Variants in PCDHGB6 observed in about 807,000 individuals in gnomAD.
PCDHGB6 encodes protocadherin gamma subfamily B, 6.
Under a neutral mutation model 59.1 loss-of-function variants are expected in PCDHGB6, and 51 were observed. The observed-to-expected ratio is 0.86, with a 90% confidence interval of 0.69 to 1.09. The LOEUF (loss-of-function observed/expected upper bound fraction) is 1.09. Ranked by LOEUF, PCDHGB6 falls within the 50% of genes least tolerant of loss-of-function variation. The pLI is 0.00. For synonymous variants in PCDHGB6, 466 were observed against 495.1 expected, an observed-to-expected ratio of 0.94 and a Z score of 0.78; for missense variants, 1,148 against 1,205.1, an observed-to-expected ratio of 0.95 and a Z score of 0.70.
intron 1 of PCDHGB6, chr5:141,427,761 G>A (rs1228905550): frequency 3.7e-6 from 5 of 1,366,246 alleles, no homozygotes; most frequent in Non-Finnish European, 4.1e-6. Flanking sequence ...CGTTACCACT[G>A]ACTTGGAGCT....
chr5:141,477,175 A>T lies in PCDHGB6; in HGVS notation c.2419-17632A>T, dbSNP rs1338347224. On this transcript the variant is annotated intron_variant, in intron 1 of 3. Transcript: ENST00000520790. This position sits in a 1 kb window ranked among gnomAD's most constrained non-coding sequence, Gnocchi z 4.9. ...TGAATGACAACGCCCCGGAGATCAC[A>T]GTCACCTCCGTGTACAGCCCAGTAC... is the stretch of plus-strand genomic sequence containing the variant. The T allele has an allele frequency of 1.2e-6, 2 of 1,614,186 alleles. No individual in the cohort carries two copies. The highest frequency in any genetic ancestry group is 3.3e-5 in the Admixed American group (2 of 60,028).
At position 141,429,997 on chromosome 5, in the gene PCDHGB6, G is replaced by A. The variant is rs536289272; in HGVS notation, c.2418+19377G>A. Among the ~76,000 whole-genome samples, 3 of 152,240 alleles carry A rather than the reference G, an allele frequency of 2.0e-5. No homozygotes were observed. The East Asian group carries it at 5.8e-4, about 29-fold the overall frequency. On this transcript the variant is annotated intron_variant, in intron 1 of 3. Transcript: ENST00000520790. ...TCTACTTTATGCTAAAAATATTAAT[G>A]TTTCTTTTTCACTTGGGTTCTTGTT... is the stretch of plus-strand genomic sequence containing the variant.
intron 1 of PCDHGB6, chr5:141,414,071 A>C: frequency 6.2e-7 from 1 of 1,606,780 alleles, no homozygotes; most frequent in Non-Finnish European, 8.5e-7. Flanking sequence ...TTCCAACTAA[A>C]CAAATATACT....
Position 141,499,029 on chromosome 5 carries a change from A to AAGGAAGG in PCDHGB6, c.2477+4165_2477+4166insGGAAGGA, listed in dbSNP as rs1562187768. Among the ~76,000 whole-genome samples, 348 of 140,068 alleles carry AAGGAAGG rather than the reference A, an allele frequency of 2.5e-3. 2 individuals carry two copies. The highest frequency in any genetic ancestry group is 9.3e-3 in the African/African-American group (335 of 36,066). The allele number at this position is 140,068 out of a possible 152,430, so 91.9% of individuals were successfully genotyped here. ...GGAAGGAAGGAAGGAAGGAAGGAAG[A>AAGGAAGG]AAAGAAAGAAAAAGGGAGAAAAAAT... is the stretch of plus-strand genomic sequence containing the variant. On this transcript the variant is annotated intron_variant, in intron 2 of 3. Transcript: ENST00000520790.
At chr5:141,494,979 T>C in intron 2 of PCDHGB6, 114 bp downstream of exon 2, 1 of 1,571,464 alleles carries the variant, frequency 6.4e-7, no homozygotes, top group Admixed American at 1.8e-5. Flanking sequence ...TCCCTCAGTT[T>C]GAGATCCCAG....
chr5:141,478,461 T>C, intron 1 of PCDHGB6: 1 of 1,613,254 alleles, frequency 6.2e-7, no homozygotes, highest in East Asian at 2.2e-5. Flanking sequence ...GCCAGTCCAC[T>C]GGCCAGCCGC....
intron 1 of PCDHGB6, chr5:141,492,013 T>G: frequency 1.6e-6 from 1 of 610,970 alleles, no homozygotes; most frequent in Non-Finnish European, 2.7e-6. Context: ...TCCGCGGGTG[T>G]CGGGGGTCCC....
rs773729429 is a variant in PCDHGB6, at chr5:141,491,406, C to T, written c.2419-3401C>T. ...CGAAGTGCCTTCAGGGAAACGCAGA[C>T]GGGGACGGGGGTGGAGGGCAGTGCT... On this transcript the variant is annotated intron_variant, in intron 1 of 3. Transcript: ENST00000520790. The surrounding 1 kb of genome is among the most constrained non-coding windows in gnomAD (Gnocchi z 6.9). The T allele has an allele frequency of 1.2e-6, 2 of 1,614,096 alleles. No homozygotes were observed. The highest frequency in any genetic ancestry group is 1.7e-6 in the Non-Finnish European group (2 of 1,179,990).
chr5:141,425,243 G>T (rs2096863760), intron 1 of PCDHGB6, among the ~76,000 whole-genome samples: 1 of 152,132 alleles, frequency 6.6e-6, no homozygotes, highest in Non-Finnish European at 1.5e-5. Flanking sequence ...AAATAAAAAG[G>T]ATATGAGGTA....
At chr5:141,421,079 T>A (rs2096545177) in intron 1 of PCDHGB6, 1 of 630,528 alleles carries the variant, frequency 1.6e-6, no homozygotes, top group Non-Finnish European at 2.7e-6. Context: ...AGATGGATAC[T>A]CACAGATCCT....
rs1018097924 is a variant in PCDHGB6 at position 141,413,435 on chromosome 5, G to C, written c.2418+2815G>C. Reference sequence around the variant, plus strand: ...TTCTCTCTGAACCCGCGCAGCGGCAGCTTGATCACCGCGGGCAGGATAGAC... The same window carrying C: ...TTCTCTCTGAACCCGCGCAGCGGCACCTTGATCACCGCGGGCAGGATAGAC... On this transcript the variant is annotated intron_variant, in intron 1 of 3. Transcript: ENST00000520790. The C allele has an allele frequency of 6.2e-6, 10 of 1,614,004 alleles. No homozygotes were observed. The Admixed American group carries it at 1.7e-4, about 27-fold the overall frequency.
rs138408376 is a variant in PCDHGB6 at position 141,421,859 on chromosome 5, T to C, written c.2418+11239T>C. The stretch of plus-strand genomic sequence containing the variant: ...CGAGAGAAAGAGGCTGCTCACCTGC[T>C]CCTCCTCACAGCTTTAGATGGAGGC... On this transcript the variant is annotated intron_variant, in intron 1 of 3. Coordinates refer to ENST00000520790, the MANE Select transcript of PCDHGB6 (RefSeq NM_018926.3). The C allele has an allele frequency of 1.7e-3, 2,741 of 1,613,710 alleles. 8 individuals carry two copies. Among genetic ancestry groups the C allele is most frequent in the Middle Eastern group, 8.1e-3 (49 of 6,062 alleles).
chr5:141,408,307 C>T lies in PCDHGB6; in HGVS notation c.105C>T (p.Tyr35=). ...FYPTLSEPIR[Y]SIPEELAKGS... is the part of the protein sequence containing the mutation. ...CCACCCTGAGTGAGCCGATCCGCTA[C>T]TCGATTCCGGAGGAGCTGGCCAAGG... Residue 35 remains tyrosine (Y), a synonymous_variant, in exon 1 of 4, where the codon TAC becomes TAT. Coordinates refer to ENST00000520790, the MANE Select transcript of PCDHGB6 (RefSeq NM_018926.3). 6.2e-7 allele frequency: 1 copy of T among 1,613,820 alleles called. No individual in the cohort carries two copies. The highest frequency in any genetic ancestry group is 2.2e-5 in the East Asian group (1 of 44,880).
At chr5:141,417,345 A>G (rs937116752) in intron 1 of PCDHGB6, 3 of 153,022 alleles carry the variant, frequency 2.0e-5, no homozygotes, top group African/African-American at 7.2e-5. Flanking sequence ...GAGACCTATA[A>G]ACCTTCATGC....
chr5:141,433,742 C>T lies in PCDHGB6; in HGVS notation c.2418+23122C>T, dbSNP rs927651405. 2.6e-5 allele frequency among the ~76,000 whole-genome samples: 4 copies of T among 150,944 alleles called. No homozygotes were observed. The East Asian group carries it at 7.9e-4, about 30-fold the overall frequency. On this transcript the variant is annotated intron_variant, in intron 1 of 3. Coordinates refer to ENST00000520790, the MANE Select transcript of PCDHGB6 (RefSeq NM_018926.3). Reference sequence around the variant, plus strand: ...ATCCCAGCTACTTGGGAGGCTGAGTCAGGAGAATTGCTTTAACCTGGGAGG... The same window carrying T: ...ATCCCAGCTACTTGGGAGGCTGAGTTAGGAGAATTGCTTTAACCTGGGAGG...
At position 141,421,588 on chromosome 5, in the gene PCDHGB6, G is replaced by C; in HGVS notation, c.2418+10968G>C. 3 of 1,613,910 alleles carry C rather than the reference G, an allele frequency of 1.9e-6. No homozygotes were observed. The South Asian group carries it at 3.3e-5, about 18-fold the overall frequency. ...AGACACCTTGAAGATTTACGGAGTGGAGGTGGAAATAATAGATATTAATGA... is the reference window on the plus strand; with the variant it reads ...AGACACCTTGAAGATTTACGGAGTGCAGGTGGAAATAATAGATATTAATGA... On this transcript the variant is annotated intron_variant, in intron 1 of 3. Coordinates refer to ENST00000520790, the MANE Select transcript of PCDHGB6 (RefSeq NM_018926.3).
chr5:141,463,874 G>T (rs1311566242), intron 1 of PCDHGB6, among the ~76,000 whole-genome samples: 1 of 152,136 alleles, frequency 6.6e-6, no homozygotes, highest in Non-Finnish European at 1.5e-5. Flanking sequence ...TGACTGAAAG[G>T]AAAAGTTTTC....
At chr5:141,433,208 C>T (rs780155661) in intron 1 of PCDHGB6, 90 of 1,293,816 alleles carry the variant, frequency 7.0e-5, no homozygotes, top group Middle Eastern at 5.9e-4. Flanking sequence ...AATCTTCTTT[C>T]TTTTTTTTTT....
Position 141,476,757 on chromosome 5 carries a change from T to C in PCDHGB6, c.2419-18050T>C. On this transcript the variant is annotated intron_variant, in intron 1 of 3. Coordinates refer to ENST00000520790, the MANE Select transcript of PCDHGB6 (RefSeq NM_018926.3). This position sits in a 1 kb window ranked among gnomAD's most constrained non-coding sequence, Gnocchi z 7.6. ...CGGGAGCCTAGTCTCCAGTTAGTGC[T>C]GACGGCGTTGGACGGAGGGACCCCA... 1.2e-6 allele frequency: 2 copies of C among 1,613,906 alleles called. No individual in the cohort carries two copies. The highest frequency in any genetic ancestry group is 1.7e-6 in the Non-Finnish European group (2 of 1,180,004).
Sources: gnomAD v4.1 joint callset for allele counts (sites outside exome capture counted in the v4.1 genomes callset) on GRCh38, gnomAD v4.1.1 for gene constraint, Gnocchi (gnomAD v3.1) non-coding constraint, MANE v1.5 for transcripts, NCBI Gene and HGNC (gene_info 2026-07-23, HGNC 2026-07-21) for gene names.